Variants in ACBD6 observed in about 807,000 individuals in gnomAD.
ACBD6 encodes acyl-CoA-binding domain-containing protein 6.
Under a neutral mutation model 37.2 loss-of-function variants are expected in ACBD6, and 28 were observed. That is an observed-to-expected ratio of 0.75 (90% CI 0.56 to 1.03). The LOEUF (loss-of-function observed/expected upper bound fraction) is 1.03. ACBD6 is among the 50% of genes least tolerant of loss of function. ACBD6 has a pLI of 0.00. For missense variants in ACBD6, 340 were observed against 337.4 expected (o/e 1.01, Z -0.06); for synonymous variants, 113 against 126.8 (o/e 0.89, Z 0.73).
At chr1:180,456,211 CAAAAA>C (rs753205587) in intron 3 of ACBD6, among the ~76,000 whole-genome samples, 1 of 106,770 alleles carries the variant, frequency 9.4e-6, no homozygotes, top group Non-Finnish European at 2.1e-5. Context: ...GACACCATTT[CAAAAA>C]AAAAAAAAAA....
intron 3 of ACBD6, among the ~76,000 whole-genome samples, chr1:180,470,812 A>G (rs1650536732): frequency 6.6e-6 from 1 of 152,248 alleles, no homozygotes; most frequent in African/African-American, 2.4e-5. Flanking sequence ...GTGCTCACAA[A>G]AAGTATTTTT....
chr1:180,429,263 G>A (rs1648719221), intron 4 of ACBD6, among the ~76,000 whole-genome samples: 1 of 151,718 alleles, frequency 6.6e-6, no homozygotes, highest in Admixed American at 6.6e-5. Context: ...CCAGCTCCTG[G>A]CAACCACCAT....
chr1:180,348,186 G>A (rs967300024), intron 6 of ACBD6, among the ~76,000 whole-genome samples: 1 of 152,146 alleles, frequency 6.6e-6, no homozygotes, highest in African/African-American at 2.4e-5. Context: ...AATATCCTAC[G>A]ATCTAATTGC....
At chr1:180,300,172 C>A (rs1650078590) in intron 7 of ACBD6, among the ~76,000 whole-genome samples, 1 of 152,108 alleles carries the variant, frequency 6.6e-6, no homozygotes, top group South Asian at 2.1e-4. Flanking sequence ...ACTAAATCCC[C>A]AAAGACATCC....
At chr1:180,498,646 G>A (rs1440114472) in intron 1 of ACBD6, among the ~76,000 whole-genome samples, 4 of 152,018 alleles carry the variant, frequency 2.6e-5, no homozygotes, top group Non-Finnish European at 5.9e-5. Context: ...CTGAGATCAG[G>A]AGACCAGCCT....
intron 6 of ACBD6, among the ~76,000 whole-genome samples, chr1:180,377,186 GCT>G: frequency 6.6e-6 from 1 of 152,032 alleles, no homozygotes. Context: ...ATAAGGAAAG[GCT>G]AAACTAAACC....
At chr1:180,485,096 G>A (rs1252137224) in intron 3 of ACBD6, among the ~76,000 whole-genome samples, 1 of 151,596 alleles carries the variant, frequency 6.6e-6, no homozygotes, top group African/African-American at 2.4e-5. Flanking sequence ...AAAAGTGTGT[G>A]TATCTATAGA....
intron 3 of ACBD6, among the ~76,000 whole-genome samples, chr1:180,467,463 A>C (rs1157700144): frequency 2.7e-5 from 4 of 150,216 alleles, no homozygotes; most frequent in African/African-American, 4.9e-5. Context: ...AAAAAAAAAA[A>C]AAAAAAAAAC....
At chr1:180,402,171 T>C (rs1415239149) in intron 5 of ACBD6, among the ~76,000 whole-genome samples, 1 of 152,144 alleles carries the variant, frequency 6.6e-6, no homozygotes, top group Non-Finnish European at 1.5e-5. Context: ...GCTACTACTG[T>C]AGCAGCTGGC....
chr1:180,433,244 A>G (rs1648880324), intron 3 of ACBD6, among the ~76,000 whole-genome samples: 1 of 152,196 alleles, frequency 6.6e-6, no homozygotes, highest in African/African-American at 2.4e-5. Flanking sequence ...AACATACAAA[A>G]ATCAATCATA....
chr1:180,274,201 A>T (rs1215208512), intron 10 of ACBD6: 2 of 1,614,124 alleles, frequency 1.2e-6, no homozygotes, highest in African/African-American at 2.7e-5. Flanking sequence ...AAATTCTCTC[A>T]GAACTTGGCC....
chr1:180,312,987 T>C (rs1275325932), intron 7 of ACBD6, among the ~76,000 whole-genome samples: 4 of 152,210 alleles, frequency 2.6e-5, no homozygotes, highest in Admixed American at 2.6e-4. Flanking sequence ...AAAATGAGTG[T>C]TGAACATCCT....
intron 6 of ACBD6, among the ~76,000 whole-genome samples, chr1:180,348,386 T>C (rs375706528): frequency 2.0e-5 from 3 of 152,220 alleles, no homozygotes; most frequent in East Asian, 1.9e-4. Context: ...TGAACGGAAA[T>C]GATCAGTCCT....
chr1:180,428,309 C>A lies in ACBD6; in HGVS notation c.467+1871G>T, dbSNP rs568508941. Among the ~76,000 whole-genome samples, 7 of 152,128 alleles carry A rather than the reference C, an allele frequency of 4.6e-5. No individual in the cohort carries two copies. The South Asian group carries it at 1.5e-3, about 32-fold the overall frequency. ...ATGAAAATGCCAAAAGTAGTAAGAA[C>A]ATATTATTCAAAAGTGAAGAAGTTG... On this transcript the variant is annotated intron_variant, in intron 4 of 7. Coordinates refer to ENST00000367595, the MANE Select transcript of ACBD6 (RefSeq NM_032360.4).
chr1:180,427,942 C>A (rs72714890), intron 4 of ACBD6, among the ~76,000 whole-genome samples: 11,428 of 147,712 alleles, frequency 0.077, 558 homozygotes, highest in African/African-American at 0.13. Flanking sequence ...AAACCAAAAA[C>A]CAAAAAACAA....
intron 3 of ACBD6, among the ~76,000 whole-genome samples, chr1:180,455,412 T>C (rs1424762879): frequency 2.0e-5 from 3 of 152,000 alleles, no homozygotes; most frequent in African/African-American, 4.8e-5. Flanking sequence ...AGAAGAAATA[T>C]CTAATGTTGA....
At chr1:180,440,082 TTTTG>T (rs1277657807) in intron 3 of ACBD6, among the ~76,000 whole-genome samples, 2 of 152,116 alleles carry the variant, frequency 1.3e-5, no homozygotes, top group Non-Finnish European at 2.9e-5. Flanking sequence ...AATTACCTGC[TTTTG>T]TTTATTTGGA....
At chr1:180,372,202 T>C (rs1248447519) in intron 6 of ACBD6, among the ~76,000 whole-genome samples, 1 of 152,072 alleles carries the variant, frequency 6.6e-6, no homozygotes, top group Non-Finnish European at 1.5e-5. Flanking sequence ...AGCCTAATGG[T>C]TTTAATACAC....
intron 6 of ACBD6, among the ~76,000 whole-genome samples, chr1:180,342,646 A>G (rs1190261272): frequency 6.6e-6 from 1 of 152,048 alleles, no homozygotes; most frequent in East Asian, 1.9e-4. Flanking sequence ...CCACATCACT[A>G]TGTCTCTATA....
Sources: allele counts gnomAD v4.1 joint callset (sites outside exome capture counted in the v4.1 genomes callset), GRCh38; gene constraint gnomAD v4.1.1; transcripts MANE v1.5; gene names NCBI Gene and HGNC (gene_info 2026-07-23, HGNC 2026-07-21).